Variants in KCNAB1 observed in about 807,000 individuals in gnomAD.
KCNAB1 encodes voltage-gated potassium channel subunit beta-1.
In KCNAB1, 35 loss-of-function variants were observed where a neutral mutation model predicts 64.6. The observed-to-expected ratio is 0.54, with a 90% CI of 0.41 to 0.72. The LOEUF (loss-of-function observed/expected upper bound fraction) is 0.72, where lower values mean the gene tolerates loss of function less well. Ranked by LOEUF, KCNAB1 falls within the 30% of genes least tolerant of loss-of-function variation. The pLI is 0.00. For missense variants in KCNAB1, 401 were observed against 512.9 expected, an observed-to-expected ratio of 0.78 and a Z score of 2.11; for synonymous variants, 177 against 183.8, an observed-to-expected ratio of 0.96 and a Z score of 0.30.
chr3:156,303,214 G>A (rs1721274458), intron 1 of KCNAB1, among the ~76,000 whole-genome samples: 1 of 152,146 alleles, frequency 6.6e-6, no homozygotes, highest in South Asian at 2.1e-4. Context: ...TCACTGCCTA[G>A]AATACTGGGC....
chr3:156,302,238 C>T (rs758419647), intron 1 of KCNAB1, among the ~76,000 whole-genome samples: 7 of 152,146 alleles, frequency 4.6e-5, no homozygotes, highest in Non-Finnish European at 1.0e-4. Context: ...AACATCGAGC[C>T]CACCTAGGTA....
chr3:156,350,641 T>C (rs1326457396), intron 1 of KCNAB1, among the ~76,000 whole-genome samples: 2 of 152,044 alleles, frequency 1.3e-5, no homozygotes, highest in African/African-American at 4.8e-5. Context: ...AGAGGAAAAA[T>C]GGAATTCTAA....
intron 1 of KCNAB1, among the ~76,000 whole-genome samples, chr3:156,333,854 A>G (rs1275246129): frequency 2.6e-5 from 4 of 152,198 alleles, no homozygotes; most frequent in East Asian, 3.8e-4. Flanking sequence ...ATCTTTTCAC[A>G]TATTTAAAAT....
intron 1 of KCNAB1, among the ~76,000 whole-genome samples, chr3:156,373,620 G>C (rs1017256750): frequency 1.3e-5 from 2 of 151,832 alleles, no homozygotes; most frequent in South Asian, 4.1e-4. Flanking sequence ...TTTTTTTTAA[G>C]AAAAAACAAC....
At chr3:156,239,242 T>C (rs185356321) in intron 1 of KCNAB1, among the ~76,000 whole-genome samples, 22 of 152,346 alleles carry the variant, frequency 1.4e-4, no homozygotes, top group Non-Finnish European at 2.2e-4. Context: ...TCTTTCTGCT[T>C]CTTTCTTGGG....
At chr3:156,180,177 A>G (rs1399515408) in intron 1 of KCNAB1, among the ~76,000 whole-genome samples, 2 of 152,248 alleles carry the variant, frequency 1.3e-5, no homozygotes, top group Non-Finnish European at 2.9e-5. Context: ...TCTTATTTGT[A>G]ATTCAATCCT....
At chr3:156,527,427 G>C (rs1159389048) in intron 12 of KCNAB1, among the ~76,000 whole-genome samples, 1 of 152,130 alleles carries the variant, frequency 6.6e-6, no homozygotes, top group African/African-American at 2.4e-5. Flanking sequence ...TCTGCTCTTA[G>C]CCATGGCAAG....
chr3:156,282,331 T>C (rs1462144500), intron 1 of KCNAB1, among the ~76,000 whole-genome samples: 2 of 147,786 alleles, frequency 1.4e-5, no homozygotes, highest in African/African-American at 5.1e-5. Context: ...GTCTGAGAGA[T>C]AGTTTGTTAT....
chr3:156,211,605 G>A (rs7648151), intron 1 of KCNAB1, among the ~76,000 whole-genome samples: 5,357 of 152,262 alleles, frequency 0.035, 333 homozygotes, highest in African/African-American at 0.12. Context: ...TCAAAGGGCA[G>A]TTTGTTCCTT....
At chr3:156,366,254 A>G (rs1725939333) in intron 1 of KCNAB1, among the ~76,000 whole-genome samples, 2 of 152,232 alleles carry the variant, frequency 1.3e-5, no homozygotes, top group African/African-American at 4.8e-5. Context: ...GATGGGATGA[A>G]AAAAGAGTGA....
intron 1 of KCNAB1, among the ~76,000 whole-genome samples, chr3:156,191,005 T>G (rs1462409970): frequency 6.6e-6 from 1 of 152,220 alleles, no homozygotes; most frequent in East Asian, 1.9e-4. Context: ...ATAATAAAAA[T>G]ACAAGACAGA....
intron 1 of KCNAB1, among the ~76,000 whole-genome samples, chr3:156,371,458 G>A (rs940073610): frequency 2.6e-5 from 4 of 152,138 alleles, no homozygotes; most frequent in African/African-American, 4.8e-5. Flanking sequence ...ACCCTGAGCA[G>A]GCCAGTGCAT....
At chr3:156,292,177 G>A in intron 1 of KCNAB1, 1 of 1,590,682 alleles carries the variant, frequency 6.3e-7, no homozygotes, top group Non-Finnish European at 8.6e-7. Context: ...TTCTATACAG[G>A]TGCAGTGGAG....
At chr3:156,278,186 G>A (rs1442863951) in intron 1 of KCNAB1, among the ~76,000 whole-genome samples, 1 of 152,166 alleles carries the variant, frequency 6.6e-6, no homozygotes, top group Non-Finnish European at 1.5e-5. Context: ...AAAGAGACAT[G>A]TAATAATGGC....
chr3:156,532,382 A>G (rs1208673801), intron 13 of KCNAB1, among the ~76,000 whole-genome samples: 1 of 152,144 alleles, frequency 6.6e-6, no homozygotes, highest in East Asian at 1.9e-4. Flanking sequence ...CAACCCTGCT[A>G]AAAGCCCTAG....
At chr3:156,380,520 G>T (rs1712069717) in intron 1 of KCNAB1, among the ~76,000 whole-genome samples, 1 of 152,184 alleles carries the variant, frequency 6.6e-6, no homozygotes, top group African/African-American at 2.4e-5. Flanking sequence ...TCAGTCTCCA[G>T]ATTGAACACA....
chr3:156,474,068 G>A (rs1036126192), intron 7 of KCNAB1, among the ~76,000 whole-genome samples: 2 of 151,924 alleles, frequency 1.3e-5, no homozygotes, highest in South Asian at 2.1e-4. Context: ...TTCATATTAC[G>A]TCTTCAGTCT....
At chr3:156,251,788 G>A (rs771526070) in intron 1 of KCNAB1, among the ~76,000 whole-genome samples, 18 of 152,260 alleles carry the variant, frequency 1.2e-4, no homozygotes, top group Non-Finnish European at 1.9e-4. Context: ...TATGCTCCTC[G>A]AGATGTTCTG....
chr3:156,243,660 G>C (rs1717296088), intron 1 of KCNAB1, among the ~76,000 whole-genome samples: 2 of 152,294 alleles, frequency 1.3e-5, no homozygotes, highest in South Asian at 4.1e-4. Flanking sequence ...TCCTAAAGCT[G>C]GGTTGTGTTT....
Sources: allele counts gnomAD v4.1 joint callset (sites outside exome capture counted in the v4.1 genomes callset), GRCh38; gene constraint gnomAD v4.1.1; transcripts MANE v1.5; gene names NCBI Gene and HGNC (gene_info 2026-07-23, HGNC 2026-07-21).